The following ELAVL2 variants were observed in gnomAD, a reference collection of about 807,000 sequenced individuals.
The protein encoded by ELAVL2 is ELAV like RNA binding protein 2.
In ELAVL2, 4 loss-of-function variants were observed where a neutral mutation model predicts 34.6. That is an observed-to-expected ratio of 0.12 (90% CI 0.06 to 0.26). ELAVL2 has a LOEUF of 0.26. Among genes scored for constraint, ELAVL2 ranks in the 10% least tolerant of loss-of-function variants. The pLI is 1.00. For missense variants in ELAVL2, 432 were observed against 442.8 expected, an observed-to-expected ratio of 0.98 and a Z score of 0.22; for synonymous variants, 193 against 154.8, an observed-to-expected ratio of 1.25 and a Z score of -1.83.
At chr9:23,795,521 C>T (rs929739837) in intron 1 of ELAVL2, among the ~76,000 whole-genome samples, 2 of 151,816 alleles carry the variant, frequency 1.3e-5, no homozygotes, top group South Asian at 2.1e-4. Context: ...CCAGCCTGAG[C>T]GAGACAGAGC....
chr9:23,836,586 T>G, the ELAVL2 span, among the ~76,000 whole-genome samples: 1 of 152,126 alleles, frequency 6.6e-6, no homozygotes, highest in African/African-American at 2.4e-5. Flanking sequence ...AGGAAAATAT[T>G]CATATATATT....
Position 23,826,005 on chromosome 9 carries a change from T to C in ELAVL2, c.-215A>G, listed in dbSNP as rs1052054082. The C allele has an allele frequency of 9.3e-5, 14 of 151,212 alleles. No homozygotes were observed. The highest frequency in any genetic ancestry group is 3.2e-4 in the African/African-American group (13 of 41,068). 9.4% of individuals were successfully genotyped at this position (151,212 alleles called of 1,614,324 possible). A position where few individuals can be genotyped will look rare whatever the true frequency, so the allele number is the denominator to read the frequency against. On this transcript the variant is annotated 5_prime_UTR_variant, in exon 1 of 7. Transcript: ENST00000397312. ...CTAAAAGAAATGGCGAAAAAAAATA[T>C]GAAAGGGGAGGGGAAACTTAAAAAA... is the stretch of plus-strand genomic sequence containing the variant.
At chr9:23,717,662 C>T (rs2042656433) in intron 3 of ELAVL2, among the ~76,000 whole-genome samples, 1 of 152,106 alleles carries the variant, frequency 6.6e-6, no homozygotes, top group Non-Finnish European at 1.5e-5. Context: ...ACACAGAGGC[C>T]TCTAGACAGC....
intron 1 of ELAVL2, among the ~76,000 whole-genome samples, chr9:23,813,354 G>C (rs536280168): frequency 3.4e-4 from 51 of 151,928 alleles, no homozygotes; most frequent in African/African-American, 1.2e-3. Context: ...AAAATAAAGG[G>C]GAAAGGGAGA....
At chr9:23,755,607 A>C (rs570586882) in intron 2 of ELAVL2, among the ~76,000 whole-genome samples, 2 of 152,198 alleles carry the variant, frequency 1.3e-5, no homozygotes, top group Middle Eastern at 3.2e-3. Context: ...AACTTGACAC[A>C]AATTTCATTT....
At chr9:23,826,750 T>A (rs1318283246), upstream of ELAVL2, among the ~76,000 whole-genome samples, 2 of 152,194 alleles carry the variant, frequency 1.3e-5, no homozygotes, top group African/African-American at 4.8e-5. Context: ...CTGTCCGGTA[T>A]GTATGAGTCA....
rs140376494 is a variant in ELAVL2, at chr9:23,721,456, T to C, written c.333+9566A>G. 7.3e-4 allele frequency among the ~76,000 whole-genome samples: 111 copies of C among 152,348 alleles called. 1 individual carries two copies. The highest frequency in any genetic ancestry group is 1.2e-3 in the Non-Finnish European group (80 of 68,032). ...CCAGGACTACATGCTTGTTCTATTT[T>C]TCCTTGCCCTTCCTGCAGCTCACCT... On this transcript the variant is annotated intron_variant, in intron 3 of 6. Transcript: ENST00000397312.
chr9:23,698,201 A>T (rs1587253386), intron 5 of ELAVL2, among the ~76,000 whole-genome samples: 1 of 152,338 alleles, frequency 6.6e-6, no homozygotes, highest in East Asian at 1.9e-4. Flanking sequence ...ACATGAAAAA[A>T]TTTGGCTTAA....
intron 5 of ELAVL2, among the ~76,000 whole-genome samples, chr9:23,694,781 G>A (rs2132756201): frequency 6.6e-6 from 1 of 152,298 alleles, no homozygotes; most frequent in African/African-American, 2.4e-5. Context: ...GTAAAGATGA[G>A]AAGAACTGAG....
At chr9:23,729,108 T>A (rs574999968) in intron 3 of ELAVL2, among the ~76,000 whole-genome samples, 3 of 152,292 alleles carry the variant, frequency 2.0e-5, no homozygotes, top group Admixed American at 1.3e-4. Context: ...GCCACGGGCA[T>A]TTCTCCTGTG....
intron 3 of ELAVL2, among the ~76,000 whole-genome samples, chr9:23,718,972 A>C (rs1358245050): frequency 6.6e-6 from 1 of 152,198 alleles, no homozygotes; most frequent in Non-Finnish European, 1.5e-5. Context: ...CCTTTGTGTG[A>C]CAGTTGTGAA....
intron 1 of ELAVL2, among the ~76,000 whole-genome samples, chr9:23,793,681 G>A (rs577307750): frequency 1.3e-5 from 2 of 152,222 alleles, no homozygotes; most frequent in Admixed American, 6.5e-5. Flanking sequence ...TTTTCATCAT[G>A]TGAGTGACAA....
intron 1 of ELAVL2, among the ~76,000 whole-genome samples, chr9:23,789,639 C>G (rs1053759372): frequency 6.6e-6 from 1 of 152,136 alleles, no homozygotes; most frequent in Admixed American, 6.5e-5. Flanking sequence ...ACGCACTCAG[C>G]AGGGTAATCT....
intron 1 of ELAVL2, among the ~76,000 whole-genome samples, chr9:23,792,828 C>T (rs1001522647): frequency 1.3e-5 from 2 of 152,000 alleles, no homozygotes; most frequent in East Asian, 1.9e-4. Context: ...TGGAGTACAG[C>T]GGTGTGGTCA....
chr9:23,838,936 A>G, the ELAVL2 span, among the ~76,000 whole-genome samples: 5 of 152,150 alleles, frequency 3.3e-5, no homozygotes, highest in Admixed American at 2.6e-4. Flanking sequence ...CAATTTTCAT[A>G]TTCTTTAATT....
At chr9:23,758,679 A>G (rs1397646826) in intron 2 of ELAVL2, among the ~76,000 whole-genome samples, 1 of 152,126 alleles carries the variant, frequency 6.6e-6, no homozygotes, top group African/African-American at 2.4e-5. Context: ...TGTTCAGTGT[A>G]ATCTACTGTC....
chr9:23,733,182 A>AAAC (rs2047012286), intron 2 of ELAVL2, among the ~76,000 whole-genome samples: 1 of 151,224 alleles, frequency 6.6e-6, no homozygotes, highest in South Asian at 2.1e-4. Context: ...TAAAAAAAAA[A>AAAC]AAAAAAAAAA....
chr9:23,798,731 G>C (rs2061254972), intron 1 of ELAVL2, among the ~76,000 whole-genome samples: 1 of 151,988 alleles, frequency 6.6e-6, no homozygotes, highest in Non-Finnish European at 1.5e-5. Flanking sequence ...CAAGCTAAAA[G>C]CTATACACCT....
intron 1 of ELAVL2, among the ~76,000 whole-genome samples, chr9:23,822,120 AGGCCCGG>A (rs2064882867): frequency 6.6e-6 from 1 of 152,070 alleles, no homozygotes; most frequent in African/African-American, 2.4e-5. Flanking sequence ...GCAAATCCCG[AGGCCCGG>A]GGCGCTAACG....
Sources: gnomAD v4.1 joint callset for allele counts (sites outside exome capture counted in the v4.1 genomes callset) on GRCh38, gnomAD v4.1.1 for gene constraint, MANE v1.5 for transcripts, NCBI Gene and HGNC (gene_info 2026-07-23, HGNC 2026-07-21) for gene names.